SLC4A2: variants seen among roughly 807,000 people sequenced by gnomAD.
SLC4A2 encodes the protein solute carrier family 4 member 2, also known as anion exchange protein 2.
SLC4A2 carries 36 observed loss-of-function variants against 115.0 expected under a neutral mutation model. That is an observed-to-expected ratio of 0.31 (90% CI 0.24 to 0.41). The LOEUF (loss-of-function observed/expected upper bound fraction) is 0.41. SLC4A2 is among the 10% of genes least tolerant of loss of function. SLC4A2 has a pLI of 1.00. For missense variants in SLC4A2, 1,252 were observed against 1,705.6 expected, an observed-to-expected ratio of 0.73 and a Z score of 4.68; for synonymous variants, 708 against 708.3, an observed-to-expected ratio of 1.00 and a Z score of 0.01.
At position 151,074,367 on chromosome 7, in the gene SLC4A2, C is replaced by G. The variant is rs187400088; in HGVS notation, c.2791-32C>G. On this transcript the variant is annotated intron_variant, in intron 17 of 22. Coordinates refer to ENST00000413384, the MANE Select transcript of SLC4A2 (RefSeq NM_003040.4). Reference sequence around the variant, plus strand: ...GGCAGGAAGTCAGCGGCTGTGGTGGCAGGACTCTGAGCGCTGTGCCTGCCC... The same window carrying G: ...GGCAGGAAGTCAGCGGCTGTGGTGGGAGGACTCTGAGCGCTGTGCCTGCCC... The G allele has an allele frequency of 1.9e-6, 3 of 1,612,234 alleles. No individual in the cohort carries two copies. In the African/African-American group the frequency reaches 4.0e-5, roughly 22 times the overall value.
intron 2 of SLC4A2, among the ~76,000 whole-genome samples, chr7:151,063,948 T>G (rs1797139553): frequency 6.6e-6 from 1 of 152,004 alleles, no homozygotes; most frequent in African/African-American, 2.4e-5. Context: ...AGGCTGGTCT[T>G]GAACTCCTGA....
intron 8 of SLC4A2, 40 bp from the exon 9 acceptor site, chr7:151,069,907 G>T: frequency 6.2e-7 from 1 of 1,612,766 alleles, no homozygotes; most frequent in Non-Finnish European, 8.5e-7. Context: ...ACTGTTTTGT[G>T]ACCTGGGGCT....
At chr7:151,063,988 C>T (rs1239924117) in intron 2 of SLC4A2, among the ~76,000 whole-genome samples, 1 of 152,036 alleles carries the variant, frequency 6.6e-6, no homozygotes, top group African/African-American at 2.4e-5. Context: ...CTCAGCCTCC[C>T]AAAGTGCTGG....
chr7:151,069,427 G>A (rs1797352459), intron 8 of SLC4A2, among the ~76,000 whole-genome samples: 1 of 152,194 alleles, frequency 6.6e-6, no homozygotes, highest in South Asian at 2.1e-4. Context: ...GGGAGGTTGA[G>A]AAGCCGACAA....
chr7:151,063,146 G>C, intron 2 of SLC4A2: 1 of 1,512,926 alleles, frequency 6.6e-7, no homozygotes, highest in Non-Finnish European at 8.8e-7. Flanking sequence ...TTCCCTGCCG[G>C]CTGTGCCGGC....
At position 151,072,153 on chromosome 7, in the gene SLC4A2, C is replaced by T. The variant is rs752254689; in HGVS notation, c.2535+17C>T. 16 of 1,608,670 alleles carry T rather than the reference C, an allele frequency of 9.9e-6. No homozygotes were observed. Among genetic ancestry groups the T allele is most frequent in the African/African-American group, 4.0e-5 (3 of 74,828 alleles). On this transcript the variant is annotated intron_variant, in intron 16 of 22. Transcript: ENST00000413384. ...CTGGTGAAGGTGGGCAGGCCCCTGC[C>T]GAGAGCTGGGCCAGGAGGGCCGAGG...
At chr7:151,065,069 G>A (rs949701379) in intron 5 of SLC4A2, 103 bp downstream of exon 5, 1 of 864,312 alleles carries the variant, frequency 1.2e-6, no homozygotes, top group Non-Finnish European at 1.9e-6. Context: ...ACCAGGCCAG[G>A]GTTCAAATCC....
chr7:151,074,865 T>C, intron 19 of SLC4A2, 24 bp downstream of exon 19: 1 of 1,571,812 alleles, frequency 6.4e-7, no homozygotes, highest in South Asian at 1.2e-5. Context: ...GCCAAAGGGG[T>C]GTGAGAGGCC....
At position 151,064,931 on chromosome 7, in the gene SLC4A2, G is replaced by A; in HGVS notation, c.543G>A (p.Glu181=). Residue 181 remains glutamate, a synonymous_variant, in exon 5 of 23, where the codon GAG becomes GAA. Transcript: ENST00000413384. The part of the protein sequence containing the change: ...PSSPAPLPHQ[E]ATPRASKGAQ... ...CCCCTGCACCACTGCCCCACCAGGAGGCGACTCCTCGGGCCTCCAAAGGGG... is the reference window on the plus strand; with the variant it reads ...CCCCTGCACCACTGCCCCACCAGGAAGCGACTCCTCGGGCCTCCAAAGGGG... The A allele has an allele frequency of 1.9e-6, 3 of 1,613,888 alleles. No homozygotes were observed. Among genetic ancestry groups the A allele is most frequent in the Admixed American group, 1.7e-5 (1 of 60,014 alleles).
chr7:151,064,428 AG>A, intron 3 of SLC4A2, 61 bp downstream of exon 3: 11 of 1,527,664 alleles, frequency 7.2e-6, no homozygotes, highest in Non-Finnish European at 8.9e-6. Context: ...CCAGCAAAGA[AG>A]GGACTGGGGT....
intron 5 of SLC4A2, among the ~76,000 whole-genome samples, chr7:151,065,392 C>T (rs1432709664): frequency 6.6e-6 from 1 of 152,140 alleles, no homozygotes; most frequent in African/African-American, 2.4e-5. Context: ...CAAAGGAGAC[C>T]CCCTCTCCTT....
chr7:151,073,289 T>TTATTTTATTG (rs59101471), intron 16 of SLC4A2, among the ~76,000 whole-genome samples: 36 of 141,022 alleles, frequency 2.6e-4, no homozygotes, highest in African/African-American at 9.3e-4. Flanking sequence ...TTATTTTATT[T>TTATTTTATTG]GTTTATTTGT....
intron 8 of SLC4A2, 103 bp from the exon 9 acceptor site, chr7:151,069,844 C>A: frequency 1.4e-6 from 2 of 1,428,738 alleles, no homozygotes. Flanking sequence ...GTGTTCCAGC[C>A]CCGGCACCCA....
Position 151,074,785 on chromosome 7 carries a change from C to T in SLC4A2, c.2991C>T (p.Ser997=), listed in dbSNP as rs1797560407. 2 of 1,613,670 alleles carry T rather than the reference C, an allele frequency of 1.2e-6. No homozygotes were observed. The highest frequency in any genetic ancestry group is 4.5e-5 in the East Asian group (2 of 44,862). The change falls in exon 19 of 23, where the codon AGC becomes AGT. Residue 997 remains serine (S), a synonymous_variant. Coordinates refer to ENST00000413384, the MANE Select transcript of SLC4A2 (RefSeq NM_003040.4). ...TCCCTGTGTGGATGATGGTTGCCAG[C>T]CTGCTGCCCGCCATCCTGGTCTTCA... The part of the protein sequence containing the change: ...SPFPVWMMVA[S]LLPAILVFIL...
In SLC4A2 at chr7:151,067,133, G is replaced by T. The variant is rs149800182; in HGVS notation, c.966+140G>T. ...TGAGACAGTCTCGCTCTGTTGCCCAGGATGGAGTGCAGTGGTGTGATCTCA... is the reference window on the plus strand; with the variant it reads ...TGAGACAGTCTCGCTCTGTTGCCCATGATGGAGTGCAGTGGTGTGATCTCA... On this transcript the variant is annotated intron_variant, in intron 7 of 22. Transcript: ENST00000413384. 3,007 of 919,408 alleles carry T rather than the reference G, an allele frequency of 3.3e-3. 63 individuals carry two copies. The African/African-American group carries it at 0.04, about 12-fold the overall frequency. The allele number at this position is 919,408 out of a possible 1,614,324, so 57.0% of individuals were successfully genotyped here.
rs1450339397 is a variant in SLC4A2 at position 151,060,658 on chromosome 7, C to T, written c.-64+896C>T. On this transcript the variant is annotated intron_variant, in intron 1 of 22. Coordinates refer to ENST00000413384, the MANE Select transcript of SLC4A2 (RefSeq NM_003040.4). The surrounding 1 kb of genome is among the most constrained non-coding windows in gnomAD (Gnocchi z 5.9). ...CACAGCCTGAGGTGGGAGTGGGCGC[C>T]TGCAGGTGCTCTGGGCGGACTCTCC... is the stretch of plus-strand genomic sequence containing the variant. Among the ~76,000 whole-genome samples, 2 of 152,140 alleles carry T rather than the reference C, an allele frequency of 1.3e-5. No individual in the cohort carries two copies. Among genetic ancestry groups the T allele is most frequent in the African/African-American group, 4.8e-5 (2 of 41,420 alleles).
At position 151,076,377 on chromosome 7, in the gene SLC4A2, AG is replaced by A. The variant is rs767632360; in HGVS notation, c.*13del. On this transcript the variant is annotated 3_prime_UTR_variant, in exon 23 of 23. Transcript: ENST00000413384. ...GCCCATGCCTGTGTAGCCGCCACCG[AG>A]GGACAGCCGAGGGACCGATGGACGA... 7.4e-6 allele frequency: 11 copies of A among 1,487,000 alleles called. No individual in the cohort carries two copies. In the African/African-American group the frequency reaches 1.6e-4, roughly 21 times the overall value. The allele number at this position is 1,487,000 out of a possible 1,614,324, so 92.1% of individuals were successfully genotyped here. A position where few individuals can be genotyped will look rare whatever the true frequency, so the allele number is the denominator to read the frequency against.
rs1282554121 is a variant in SLC4A2, at chr7:151,071,657, A to G, written c.2192-32A>G. 3 of 1,612,438 alleles carry G rather than the reference A, an allele frequency of 1.9e-6. No homozygotes were observed. The Admixed American group carries it at 5.0e-5, about 27-fold the overall frequency. On this transcript the variant is annotated intron_variant, in intron 14 of 22. Coordinates refer to ENST00000413384, the MANE Select transcript of SLC4A2 (RefSeq NM_003040.4). This position sits in a 1 kb window ranked among gnomAD's most constrained non-coding sequence, Gnocchi z 5.5. Reference sequence around the variant, plus strand: ...GGCGGGGACTGCCCAGGGCCTGGCCACCAGCTCCTGAGCTGGTTCCTACAC... The same window carrying G: ...GGCGGGGACTGCCCAGGGCCTGGCCGCCAGCTCCTGAGCTGGTTCCTACAC...
chr7:151,064,754 C>T lies in SLC4A2; in HGVS notation c.446C>T (p.Pro149Leu). Residue 149 changes from proline (P) to leucine (L), a missense_variant, in exon 4 of 23, where the codon CCC (proline) becomes CTC (leucine). Coordinates refer to ENST00000413384, the MANE Select transcript of SLC4A2 (RefSeq NM_003040.4). Reference sequence around the variant, plus strand: ...ACTCAGCCGTCCCCTGTCTCCACACCCTCCTCGGTGCAGGTGCGCTGGGTG... The same window carrying T: ...ACTCAGCCGTCCCCTGTCTCCACACTCTCCTCGGTGCAGGTGCGCTGGGTG... ...ALTQPSPVST[P>L]SSVQFFLQED... 2 of 1,609,252 alleles carry T rather than the reference C, an allele frequency of 1.2e-6. No individual in the cohort carries two copies. The highest frequency in any genetic ancestry group is 1.3e-5 in the African/African-American group (1 of 74,904).
Sources: gnomAD v4.1 joint callset for allele counts (sites outside exome capture counted in the v4.1 genomes callset) on GRCh38, gnomAD v4.1.1 for gene constraint, Gnocchi (gnomAD v3.1) non-coding constraint, MANE v1.5 for transcripts, NCBI Gene and HGNC (gene_info 2026-07-23, HGNC 2026-07-21) for gene names.